The following B3GALT5 variants were observed in gnomAD, a reference collection of about 807,000 sequenced individuals.
B3GALT5 encodes beta-1,3-galactosyltransferase 5.
For synonymous variants in B3GALT5, 156 were observed against 158.6 expected, an observed-to-expected ratio of 0.98 and a Z score of 0.12; for missense variants, 328 against 396.6, an observed-to-expected ratio of 0.83 and a Z score of 1.47.
At chr21:39,637,183 A>G (rs1044769390) in intron 1 of B3GALT5, among the ~76,000 whole-genome samples, 1 of 152,210 alleles carries the variant, frequency 6.6e-6, no homozygotes, top group African/African-American at 2.4e-5. Context: ...ACAGAGGAGC[A>G]CTGTTGGTTC....
rs1463051445 is a variant in B3GALT5 at position 39,665,517 on chromosome 21, C to T, written c.*4025C>T. On this transcript the variant is annotated 3_prime_UTR_variant, in exon 4 of 4. Transcript: ENST00000684187. ...TCTACCTGTGATTCCCTAATCGTGT[C>T]CCTTTGCTCACTCCCTCTGGCCTCT... 4 of 152,296 alleles carry T rather than the reference C, an allele frequency of 2.6e-5. No homozygotes were observed. Among genetic ancestry groups the T allele is most frequent in the African/African-American group, 9.6e-5 (4 of 41,458 alleles). 9.4% of individuals were successfully genotyped at this position (152,296 alleles called of 1,614,324 possible). A position where few individuals can be genotyped will look rare whatever the true frequency, so the allele number is the denominator to read the frequency against.
Position 39,664,991 on chromosome 21 carries a change from T to C in B3GALT5, c.*3499T>C, listed in dbSNP as rs2079566615. ...TGTCTCATGGCTTTAAATATGTTGATGATGTTTCCATTTATCTCCAGCCTA... is the reference window on the plus strand; with the variant it reads ...TGTCTCATGGCTTTAAATATGTTGACGATGTTTCCATTTATCTCCAGCCTA... On this transcript the variant is annotated 3_prime_UTR_variant, in exon 4 of 4. Transcript: ENST00000684187. The C allele has an allele frequency of 6.6e-6, 1 of 152,276 alleles. No homozygotes were observed. The highest frequency in any genetic ancestry group is 2.1e-4 in the South Asian group (1 of 4,814). The allele number at this position is 152,276 out of a possible 1,614,324, so 9.4% of individuals were successfully genotyped here.
chr21:39,657,826 G>C (rs865923600), intron 2 of B3GALT5: 1 of 1,230,522 alleles, frequency 8.1e-7, no homozygotes, highest in Middle Eastern at 3.1e-4. Flanking sequence ...ATCTGCTGGA[G>C]AAACTGCCAT....
intron 2 of B3GALT5, among the ~76,000 whole-genome samples, chr21:39,654,235 G>A (rs189330962): frequency 1.3e-3 from 194 of 152,310 alleles, no homozygotes; most frequent in East Asian, 1.9e-3. Flanking sequence ...GATTACAGGT[G>A]TGTGCCACCA....
At chr21:39,613,133 C>A (rs1220184791) in intron 1 of B3GALT5, 66 bp downstream of exon 1, 1 of 148,972 alleles carries the variant, frequency 6.7e-6, no homozygotes, top group Non-Finnish European at 1.5e-5. Context: ...CCGGGTCCTG[C>A]GGCGCGCGGG....
intron 1 of B3GALT5, among the ~76,000 whole-genome samples, chr21:39,634,894 C>A (rs550050583): frequency 6.6e-6 from 1 of 152,112 alleles, no homozygotes; most frequent in African/African-American, 2.4e-5. Context: ...AGAGACAACG[C>A]GTAATGGCAG....
At chr21:39,656,765 G>T (rs77711045) in intron 2 of B3GALT5, among the ~76,000 whole-genome samples, 2,346 of 152,326 alleles carry the variant, frequency 0.015, 25 homozygotes, top group Non-Finnish European at 0.022. Flanking sequence ...GTCCCAGGAC[G>T]CTGCACGTGC....
intron 1 of B3GALT5, among the ~76,000 whole-genome samples, chr21:39,628,652 C>T (rs2079176361): frequency 6.6e-6 from 1 of 152,218 alleles, no homozygotes; most frequent in African/African-American, 2.4e-5. Context: ...GACCTTTCAC[C>T]AGTTTCTGTG....
Position 39,663,429 on chromosome 21 carries a change from ACCCATTGTTTCCCCT to A in B3GALT5, c.*1941_*1955del, listed in dbSNP as rs1021875490. 50 of 151,068 alleles carry A rather than the reference ACCCATTGTTTCCCCT, an allele frequency of 3.3e-4. No individual in the cohort carries two copies. The highest frequency in any genetic ancestry group is 1.2e-3 in the African/African-American group (50 of 41,046). The allele number at this position is 151,068 out of a possible 1,614,324, so 9.4% of individuals were successfully genotyped here. On this transcript the variant is annotated 3_prime_UTR_variant, in exon 4 of 4. Transcript: ENST00000684187. ...GTGTTCTTAAAGGATTTTCTTTGAGACCCATTGTTTCCCCTCCCCTCCCCTCCCCTCCCATCCCCT... is the reference window on the plus strand; with the variant it reads ...GTGTTCTTAAAGGATTTTCTTTGAGACCCCTCCCCTCCCCTCCCATCCCCT...
chr21:39,634,211 AATTAC>A (rs1489168770), intron 1 of B3GALT5, among the ~76,000 whole-genome samples: 2 of 152,188 alleles, frequency 1.3e-5, no homozygotes, highest in Non-Finnish European at 2.9e-5. Context: ...AATTTGAAAA[AATTAC>A]ACTCAGTTCC....
At chr21:39,654,671 T>C (rs1199009629) in intron 2 of B3GALT5, among the ~76,000 whole-genome samples, 1 of 152,152 alleles carries the variant, frequency 6.6e-6, no homozygotes, top group African/African-American at 2.4e-5. Flanking sequence ...CAAACTTCAT[T>C]GTTGTCGTAT....
chr21:39,631,203 C>G (rs1360828831), intron 1 of B3GALT5, among the ~76,000 whole-genome samples: 2 of 152,154 alleles, frequency 1.3e-5, no homozygotes, highest in Non-Finnish European at 2.9e-5. Context: ...CTTATGATCT[C>G]ACAGTTCTGG....
intron 1 of B3GALT5, 67 bp downstream of exon 1, chr21:39,613,134 G>T: frequency 6.7e-6 from 1 of 149,316 alleles, no homozygotes; most frequent in South Asian, 1.8e-4. Context: ...CGGGTCCTGC[G>T]GCGCGCGGGG....
At chr21:39,639,393 TC>T (rs1569212327) in intron 1 of B3GALT5, among the ~76,000 whole-genome samples, 35 of 95,596 alleles carry the variant, frequency 3.7e-4, no homozygotes, top group African/African-American at 8.7e-4. Context: ...CTTCCTTCCT[TC>T]TTTCTTTTTC....
intron 1 of B3GALT5, among the ~76,000 whole-genome samples, chr21:39,626,324 A>G (rs550691817): frequency 6.6e-6 from 1 of 152,348 alleles, no homozygotes; most frequent in African/African-American, 2.4e-5. Flanking sequence ...TTGTCTATTC[A>G]TCTACCAGTG....
At chr21:39,624,837 C>A (rs955923942) in intron 1 of B3GALT5, among the ~76,000 whole-genome samples, 10 of 150,700 alleles carry the variant, frequency 6.6e-5, no homozygotes, top group African/African-American at 2.4e-4. Context: ...AAAATCACCT[C>A]GTCCAAGGCG....
chr21:39,654,735 T>G (rs1159187638), intron 2 of B3GALT5, among the ~76,000 whole-genome samples: 1 of 152,180 alleles, frequency 6.6e-6, no homozygotes, highest in South Asian at 2.1e-4. Flanking sequence ...CCCTGATCAG[T>G]CAGGAGCCAT....
At chr21:39,639,462 T>TTCTTTCTTTCTC (rs2079271284) in intron 1 of B3GALT5, among the ~76,000 whole-genome samples, 2 of 132,392 alleles carry the variant, frequency 1.5e-5, no homozygotes, top group African/African-American at 6.2e-5. Context: ...CTTTTTTTCT[T>TTCTTTCTTTCTC]TCTCTCTCTC....
intron 1 of B3GALT5, among the ~76,000 whole-genome samples, chr21:39,643,157 G>A (rs941707538): frequency 6.6e-6 from 1 of 152,192 alleles, no homozygotes; most frequent in Non-Finnish European, 1.5e-5. Context: ...GTACTAAACT[G>A]GACTCAATGG....
Sources: allele counts gnomAD v4.1 joint callset (sites outside exome capture counted in the v4.1 genomes callset), GRCh38; gene constraint gnomAD v4.1.1; transcripts MANE v1.5; gene names NCBI Gene and HGNC (gene_info 2026-07-23, HGNC 2026-07-21).